The following AHSA1 variants were observed in gnomAD, a reference collection of about 807,000 sequenced individuals.
AHSA1 encodes the protein activator of 90 kDa heat shock protein ATPase homolog 1.
Under a neutral mutation model 46.1 loss-of-function variants are expected in AHSA1, and 14 were observed. That is an observed-to-expected ratio of 0.30 (90% confidence interval 0.20 to 0.47). The LOEUF (loss-of-function observed/expected upper bound fraction) is 0.47. Among genes scored for constraint, AHSA1 ranks in the 20% least tolerant of loss-of-function variants. AHSA1 has a pLI of 0.99. For synonymous variants in AHSA1, 147 were observed against 145.8 expected (o/e 1.01, Z -0.06); for missense variants, 333 against 415.9 (o/e 0.80, Z 1.73).
At chr14:77,458,372 C>G in intron 1 of AHSA1, 103 bp downstream of exon 1, 1 of 1,258,832 alleles carries the variant, frequency 7.9e-7, no homozygotes. Context: ...CTGAGGTAGC[C>G]CTGTCCGGAG....
intron 4 of AHSA1, chr14:77,462,990 A>G (rs2139939835): frequency 2.3e-6 from 1 of 431,202 alleles, no homozygotes; most frequent in Non-Finnish European, 4.3e-6. Flanking sequence ...ACTGAAATGT[A>G]CTGTGATGGC....
Position 77,459,547 on chromosome 14 carries a change from T to G in AHSA1, c.81-69T>G. The G allele has an allele frequency of 2.0e-6, 3 of 1,522,412 alleles. No homozygotes were observed. The South Asian group carries it at 3.4e-5, about 17-fold the overall frequency. 94.3% of individuals were successfully genotyped at this position (1,522,412 alleles called of 1,614,324 possible). ...ATTTGTCAGGCCTCCTTTAACCTCG[T>G]ATTCTCTTGCATAGAGCAGCGTATC... On this transcript the variant is annotated intron_variant, in intron 1 of 8. Transcript: ENST00000216479.
intron 7 of AHSA1, 27 bp downstream of exon 7, chr14:77,468,211 G>C: frequency 6.9e-7 from 1 of 1,452,940 alleles, no homozygotes; most frequent in Non-Finnish European, 9.4e-7. Context: ...CCTAGACTCA[G>C]GTTATTGCCT....
Position 77,464,623 on chromosome 14 carries a change from T to A in AHSA1, c.498T>A (p.Pro166=), listed in dbSNP as rs2079040122. 4 of 1,613,922 alleles carry A rather than the reference T, an allele frequency of 2.5e-6. No homozygotes were observed. The African/African-American group carries it at 5.3e-5, about 22-fold the overall frequency. ...AGTTCACCCAGGGCATGATCTTACC[T>A]ACAATGAATGGAGAGTCAGTAGACC... is the stretch of plus-strand genomic sequence containing the variant. ...KTEFTQGMIL[P]TMNGESVDPV... The change falls in exon 5 of 9, where the codon CCT becomes CCA. Residue 166 remains proline, a synonymous_variant. Transcript: ENST00000216479.
intron 1 of AHSA1, among the ~76,000 whole-genome samples, chr14:77,459,408 T>A (rs2079010196): frequency 6.6e-6 from 1 of 152,240 alleles, no homozygotes; most frequent in Non-Finnish European, 1.5e-5. Flanking sequence ...TATACCATTT[T>A]CTACAGCAGC....
chr14:77,461,606 A>G (rs979598066), intron 2 of AHSA1, among the ~76,000 whole-genome samples: 8 of 152,210 alleles, frequency 5.3e-5, no homozygotes, highest in African/African-American at 1.9e-4. Flanking sequence ...AGTCATCCAC[A>G]ATCAGAGGGA....
At chr14:77,464,939 A>G (rs1243309955) in intron 5 of AHSA1, among the ~76,000 whole-genome samples, 1 of 120,170 alleles carries the variant, frequency 8.3e-6, no homozygotes, top group African/African-American at 2.5e-5. Flanking sequence ...TCTTGATTGC[A>G]TTTAGCACCA....
intron 5 of AHSA1, 71 bp from the exon 6 acceptor site, chr14:77,465,468 G>C (rs567113144): frequency 6.5e-7 from 1 of 1,537,346 alleles, no homozygotes; most frequent in Non-Finnish European, 8.9e-7. Flanking sequence ...TGGTACAACT[G>C]TCTCTGAAGC....
chr14:77,461,975 T>C (rs775747647), intron 2 of AHSA1, among the ~76,000 whole-genome samples, 185 bp from the exon 3 acceptor site: 16 of 152,228 alleles, frequency 1.1e-4, no homozygotes, highest in Non-Finnish European at 2.4e-4. Context: ...TCCAGTAACC[T>C]GGTGAGGAAA....
intron 1 of AHSA1, 49 bp from the exon 2 acceptor site, chr14:77,459,567 C>T (rs1351075219): frequency 3.8e-6 from 6 of 1,585,870 alleles, no homozygotes; most frequent in Non-Finnish European, 5.2e-6. Context: ...CATAGAGCAG[C>T]GTATCCTCCG....
intron 6 of AHSA1, 34 bp from the exon 7 acceptor site, chr14:77,468,049 C>T: frequency 1.4e-6 from 1 of 723,676 alleles, no homozygotes; most frequent in East Asian, 4.8e-5. Flanking sequence ...TATCTTCTGC[C>T]TCTTTTTTTT....
chr14:77,459,841 G>A, intron 2 of AHSA1, 35 bp downstream of exon 2: 1 of 1,610,180 alleles, frequency 6.2e-7, no homozygotes, highest in Non-Finnish European at 8.5e-7. Flanking sequence ...GAGATTAACT[G>A]TGTTTTGTTT....
intron 6 of AHSA1, among the ~76,000 whole-genome samples, chr14:77,467,787 T>A (rs2079053974): frequency 1.3e-5 from 2 of 152,254 alleles, no homozygotes; most frequent in Admixed American, 6.5e-5. Flanking sequence ...AACATTTACT[T>A]GAGAATTTTC....
At chr14:77,463,845 G>A (rs11159263) in intron 4 of AHSA1, among the ~76,000 whole-genome samples, 1 of 152,008 alleles carries the variant, frequency 6.6e-6, no homozygotes, top group Admixed American at 6.5e-5. Context: ...GGTGATGGAA[G>A]GTGATAGACA....
intron 2 of AHSA1, among the ~76,000 whole-genome samples, chr14:77,461,945 T>C (rs8018513): frequency 0.48 from 72,806 of 152,078 alleles, 18,597 homozygotes; most frequent in East Asian, 0.92. Context: ...TTGTCTCACA[T>C]TGTAATAACA....
intron 1 of AHSA1, 149 bp downstream of exon 1, chr14:77,458,418 G>GC (rs1261823115): frequency 4.1e-6 from 3 of 729,570 alleles, no homozygotes; most frequent in Non-Finnish European, 4.3e-6. Context: ...GGGGTCCGTA[G>GC]CCCCAGGCCT....
intron 2 of AHSA1, 64 bp from the exon 3 acceptor site, chr14:77,462,096 G>T (rs1255008838): frequency 1.0e-5 from 13 of 1,263,418 alleles, no homozygotes; most frequent in Middle Eastern, 1.9e-4. Context: ...TAGCAGTTAG[G>T]ACCCTGGAGC....
At chr14:77,464,145 G>T (rs2079037932) in intron 4 of AHSA1, among the ~76,000 whole-genome samples, 1 of 152,204 alleles carries the variant, frequency 6.6e-6, no homozygotes, top group Admixed American at 6.5e-5. Flanking sequence ...TTTGGAGGCC[G>T]AGGCTAGTAG....
Position 77,468,078 on chromosome 14 carries a change from T to C in AHSA1, c.691-5T>C. ...TTTTTTTTTTTTTTTTTTTTTTCCCTGCAGCTGGTGCAGGCCTTTACCCAT... is the reference window on the plus strand; with the variant it reads ...TTTTTTTTTTTTTTTTTTTTTTCCCCGCAGCTGGTGCAGGCCTTTACCCAT... On this transcript the variant is annotated splice_region_variant and splice_polypyrimidine_tract_variant and intron_variant, in intron 6 of 8. Transcript: ENST00000216479. The C allele has an allele frequency of 2.5e-6, 2 of 798,766 alleles. No individual in the cohort carries two copies. Among genetic ancestry groups the C allele is most frequent in the Non-Finnish European group, 3.8e-6 (2 of 530,812 alleles). The allele number at this position is 798,766 out of a possible 1,614,324, so 49.5% of individuals were successfully genotyped here. A position where few individuals can be genotyped will look rare whatever the true frequency, so the allele number is the denominator to read the frequency against.
Sources: gnomAD v4.1 joint callset for allele counts (sites outside exome capture counted in the v4.1 genomes callset) on GRCh38, gnomAD v4.1.1 for gene constraint, MANE v1.5 for transcripts, NCBI Gene and HGNC (gene_info 2026-07-23, HGNC 2026-07-21) for gene names.